Variants in CALCR observed in about 807,000 individuals in gnomAD.
CALCR encodes the protein calcitonin receptor.
In CALCR, 47 loss-of-function variants were observed where a neutral mutation model predicts 59.5. The observed-to-expected ratio is 0.79, with a 90% CI of 0.63 to 1.01. The LOEUF (loss-of-function observed/expected upper bound fraction) is 1.01, where lower values mean the gene tolerates loss of function less well. CALCR is among the 50% of genes least tolerant of loss of function. The pLI, the probability that CALCR is intolerant of heterozygous loss-of-function variation, is 0.00. For synonymous variants in CALCR, 213 were observed against 211.3 expected (o/e 1.01, Z -0.07); for missense variants, 566 against 597.1 (o/e 0.95, Z 0.54).
rs778684943 is a variant in CALCR, at chr7:93,434,245, A to T, written c.1191+8T>A. The T allele has an allele frequency of 6.2e-7, 1 of 1,601,958 alleles. No individual in the cohort carries two copies. Among genetic ancestry groups the T allele is most frequent in the South Asian group, 1.1e-5 (1 of 90,818 alleles). ...CAAGTGATAGTATTATATGAAATGC[A>T]TGCTTACCTCATTGTTGCAGAAGCA... is the stretch of plus-strand genomic sequence containing the variant. On this transcript the variant is annotated splice_region_variant and intron_variant, in intron 13 of 13. Transcript: ENST00000426151.
chr7:93,442,554 G>A (rs748985911), intron 9 of CALCR, among the ~76,000 whole-genome samples: 7 of 152,130 alleles, frequency 4.6e-5, no homozygotes, highest in African/African-American at 4.8e-5. Context: ...ATGCCTGTTG[G>A]GCAGGGCTTT....
In CALCR at chr7:93,558,247, TTAGAAAGAAATAAAAC is replaced by T. The variant is rs1161902004; in HGVS notation, c.-27+16026_-27+16041del. Among the ~76,000 whole-genome samples, 3 of 152,128 alleles carry T rather than the reference TTAGAAAGAAATAAAAC, an allele frequency of 2.0e-5. No individual in the cohort carries two copies. In the East Asian group the frequency reaches 5.8e-4, roughly 29 times the overall value. On this transcript the variant is annotated intron_variant, in intron 2 of 13. Transcript: ENST00000426151. The stretch of plus-strand genomic sequence containing the variant: ...CTACCTACTGCCTTGTATCCAATTT[TTAGAAAGAAATAAAAC>T]AATTCTTGTGCTTTATAAAATTATT...
At chr7:93,532,256 A>T (rs1788859841) in intron 2 of CALCR, among the ~76,000 whole-genome samples, 2 of 152,070 alleles carry the variant, frequency 1.3e-5, no homozygotes, top group African/African-American at 4.8e-5. Flanking sequence ...CTCTATAATA[A>T]AAATCTATCT....
chr7:93,473,797 T>C (rs1236657013), intron 5 of CALCR, among the ~76,000 whole-genome samples: 1 of 151,720 alleles, frequency 6.6e-6, no homozygotes, highest in Non-Finnish European at 1.5e-5. Context: ...TGCTTTGTGG[T>C]GTCTGCTGGT....
At chr7:93,489,488 A>T (rs1420841030) in intron 2 of CALCR, among the ~76,000 whole-genome samples, 3 of 151,240 alleles carry the variant, frequency 2.0e-5, no homozygotes, top group East Asian at 1.9e-4. Context: ...CTGGTTTTTT[A>T]AAAAAATTTA....
In CALCR at chr7:93,555,956, T is replaced by C. The variant is rs543327379; in HGVS notation, c.-27+18333A>G. ...AATAATGAAAAGAGTAAAACTCTTC[T>C]GTAATACAGAGGTGACTCAAATAGC... On this transcript the variant is annotated intron_variant, in intron 2 of 13. Transcript: ENST00000426151. 3.3e-5 allele frequency among the ~76,000 whole-genome samples: 5 copies of C among 152,312 alleles called. No homozygotes were observed. In the South Asian group the frequency reaches 6.2e-4, roughly 19 times the overall value.
chr7:93,539,665 C>G (rs1418926545), intron 2 of CALCR, among the ~76,000 whole-genome samples: 1 of 151,626 alleles, frequency 6.6e-6, no homozygotes, highest in Non-Finnish European at 1.5e-5. Flanking sequence ...GTGCAAGTTA[C>G]CTAACGCCTC....
intron 9 of CALCR, among the ~76,000 whole-genome samples, chr7:93,442,706 T>A (rs1371341967): frequency 6.6e-6 from 1 of 152,182 alleles, no homozygotes; most frequent in Non-Finnish European, 1.5e-5. Context: ...ATCCACAGCC[T>A]CTGCTCTCAG....
At chr7:93,461,475 A>G (rs1232982966) in intron 7 of CALCR, among the ~76,000 whole-genome samples, 3 of 152,102 alleles carry the variant, frequency 2.0e-5, no homozygotes, top group Admixed American at 6.6e-5. Context: ...TTCTGTTACC[A>G]TCTTCTTAGA....
chr7:93,440,779 G>A (rs1799884965), intron 9 of CALCR, among the ~76,000 whole-genome samples: 2 of 151,928 alleles, frequency 1.3e-5, no homozygotes, highest in South Asian at 4.2e-4. Flanking sequence ...GTTACCTATA[G>A]GCACAATGTT....
Position 93,425,908 on chromosome 7 carries a change from A to G in CALCR, c.*448T>C, listed in dbSNP as rs1799515682. On this transcript the variant is annotated 3_prime_UTR_variant, in exon 14 of 14. Transcript: ENST00000426151. ...CTCAGTAACATCAGAATTGACTGAA[A>G]TTTAAAAAAATTAAAAATCAGATCC... The G allele has an allele frequency of 1.9e-5, 3 of 154,420 alleles. No homozygotes were observed. Among genetic ancestry groups the G allele is most frequent in the Non-Finnish European group, 2.9e-5 (2 of 69,480 alleles). 9.6% of individuals were successfully genotyped at this position (154,420 alleles called of 1,614,324 possible). A position where few individuals can be genotyped will look rare whatever the true frequency, so the allele number is the denominator to read the frequency against.
chr7:93,519,335 G>C (rs1035822562), intron 2 of CALCR, among the ~76,000 whole-genome samples: 2 of 151,946 alleles, frequency 1.3e-5, no homozygotes, highest in African/African-American at 4.8e-5. Context: ...TAATTTTATA[G>C]AGTAGTGATT....
chr7:93,499,653 G>A (rs1828904711), intron 2 of CALCR, among the ~76,000 whole-genome samples: 1 of 151,748 alleles, frequency 6.6e-6, no homozygotes, highest in Non-Finnish European at 1.5e-5. Flanking sequence ...TGCCATGCTT[G>A]TTTGGCTAAG....
At chr7:93,554,124 T>C (rs1789532891) in intron 2 of CALCR, among the ~76,000 whole-genome samples, 1 of 152,220 alleles carries the variant, frequency 6.6e-6, no homozygotes, top group South Asian at 2.1e-4. Flanking sequence ...TTTGCTTTAG[T>C]GTGACATTTT....
intron 2 of CALCR, among the ~76,000 whole-genome samples, chr7:93,518,799 G>A (rs1801698452): frequency 6.6e-6 from 1 of 151,850 alleles, no homozygotes; most frequent in Non-Finnish European, 1.5e-5. Flanking sequence ...GCATTGTTAA[G>A]TTAAAAATAA....
At chr7:93,444,916 C>T (rs1305813040) in intron 8 of CALCR, among the ~76,000 whole-genome samples, 1 of 152,090 alleles carries the variant, frequency 6.6e-6, no homozygotes, top group Non-Finnish European at 1.5e-5. Context: ...AGTACTGTAG[C>T]AACCTTTTCC....
At chr7:93,503,112 A>AT (rs1273933036) in intron 2 of CALCR, among the ~76,000 whole-genome samples, 2 of 151,922 alleles carry the variant, frequency 1.3e-5, no homozygotes, top group Non-Finnish European at 1.5e-5. Context: ...AAAAGAAATG[A>AT]TTTTTTCTTT....
intron 2 of CALCR, among the ~76,000 whole-genome samples, chr7:93,490,861 C>T (rs1801059427): frequency 3.3e-5 from 5 of 151,876 alleles, no homozygotes; most frequent in Admixed American, 3.3e-4. Context: ...AGTGCTATTC[C>T]CATCAAACTA....
intron 7 of CALCR, among the ~76,000 whole-genome samples, chr7:93,461,685 C>G (rs994395983): frequency 6.6e-6 from 1 of 152,106 alleles, no homozygotes; most frequent in African/African-American, 2.4e-5. Context: ...GTGTATTAAG[C>G]AATTTATTGG....
Sources: gnomAD v4.1 joint callset for allele counts (sites outside exome capture counted in the v4.1 genomes callset) on GRCh38, gnomAD v4.1.1 for gene constraint, MANE v1.5 for transcripts, NCBI Gene and HGNC (gene_info 2026-07-23, HGNC 2026-07-21) for gene names.